PCDHGA1: variants seen among roughly 807,000 people sequenced by gnomAD.
The protein encoded by PCDHGA1 is protocadherin gamma subfamily A, 1.
PCDHGA1 carries 32 observed loss-of-function variants against 58.0 expected under a neutral mutation model. That is an observed-to-expected ratio of 0.55 (90% CI 0.42 to 0.74). PCDHGA1 has a LOEUF of 0.74. PCDHGA1 is among the 30% of genes least tolerant of loss of function. The pLI is 0.00. For missense variants in PCDHGA1, 1,205 were observed against 1,182.3 expected (o/e 1.02, Z -0.28); for synonymous variants, 498 against 501.1 (o/e 0.99, Z 0.08).
At chr5:141,404,437 C>T in intron 1 of PCDHGA1, 3 of 1,613,094 alleles carry the variant, frequency 1.9e-6, no homozygotes, top group Non-Finnish European at 2.5e-6. Context: ...CAGAGGATAC[C>T]ATCCAAGGGT....
intron 1 of PCDHGA1, chr5:141,383,053 C>G: frequency 6.2e-7 from 1 of 1,613,896 alleles, no homozygotes; most frequent in South Asian, 1.1e-5. Context: ...CGCCAAGGAC[C>G]TGGGGCTGGA....
At position 141,485,321 on chromosome 5, in the gene PCDHGA1, C is replaced by G. The variant is rs780179631; in HGVS notation, c.2422-9486C>G. The G allele has an allele frequency of 6.2e-7, 1 of 1,614,154 alleles. No homozygotes were observed. Among genetic ancestry groups the G allele is most frequent in the Non-Finnish European group, 8.5e-7 (1 of 1,180,024 alleles). On this transcript the variant is annotated intron_variant, in intron 1 of 3. Transcript: ENST00000517417. This position sits in a 1 kb window ranked among gnomAD's most constrained non-coding sequence, Gnocchi z 5.7. The stretch of plus-strand genomic sequence containing the variant: ...AGGGACTTTTGTAGGGAATGTCGCT[C>G]AAGATTTCCTGCTGGATACGGACAG...
chr5:141,393,121 T>A, intron 1 of PCDHGA1: 1 of 1,613,428 alleles, frequency 6.2e-7, no homozygotes, highest in African/African-American at 1.3e-5. Context: ...CCGCGGTGTC[T>A]GATAAATATT....
At chr5:141,421,000 A>G (rs2096537102) in intron 1 of PCDHGA1, 1 of 507,878 alleles carries the variant, frequency 2.0e-6, no homozygotes, top group East Asian at 3.3e-5. Flanking sequence ...CTGCTCACCA[A>G]TCAGGGAATG....
At chr5:141,391,398 A>G (rs924962931) in intron 1 of PCDHGA1, 11 of 151,014 alleles carry the variant, frequency 7.3e-5, no homozygotes, top group Middle Eastern at 3.4e-3. Flanking sequence ...CTCCAGCCTC[A>G]AACTCCTGGG....
rs1012728568 is a variant in PCDHGA1 at position 141,495,487 on chromosome 5, T to C, written c.2480+622T>C. Among the ~76,000 whole-genome samples, 22 of 152,328 alleles carry C rather than the reference T, an allele frequency of 1.4e-4. 1 individual carries two copies. The East Asian group carries it at 4.1e-3, about 28-fold the overall frequency. ...GGGGTCTCCGTGTCTCTGCCCCTTT[T>C]TCTTGAGTTTCCGTCTTTGCCACTT... On this transcript the variant is annotated intron_variant, in intron 2 of 3. Coordinates refer to ENST00000517417, the MANE Select transcript of PCDHGA1 (RefSeq NM_018912.3).
rs544860780 is a variant in PCDHGA1 at position 141,406,543 on chromosome 5, C to G, written c.2421+73438C>G. On this transcript the variant is annotated intron_variant, in intron 1 of 3. Transcript: ENST00000517417. ...AGATATTTTCTGACGAAGATTCAAA[C>G]TTCAGTTATCCACTTCCAAACCCTA... is the stretch of plus-strand genomic sequence containing the variant. Among the ~76,000 whole-genome samples, 16 of 152,288 alleles carry G rather than the reference C, an allele frequency of 1.1e-4. 1 individual carries two copies. The South Asian group carries it at 2.9e-3, about 28-fold the overall frequency.
chr5:141,412,923 G>A, intron 1 of PCDHGA1: 1 of 420,946 alleles, frequency 2.4e-6, no homozygotes, highest in East Asian at 3.6e-5. Flanking sequence ...CTTGGGTGCA[G>A]TAACTTCTTA....
chr5:141,366,573 C>G (rs1323314760), intron 1 of PCDHGA1: 1 of 1,614,252 alleles, frequency 6.2e-7, no homozygotes, highest in Admixed American at 1.7e-5. Context: ...GGGGTTCGGG[C>G]TTTCCTGCAG....
chr5:141,409,781 G>A lies in PCDHGA1; in HGVS notation c.2421+76676G>A, dbSNP rs753415525. On this transcript the variant is annotated intron_variant, in intron 1 of 3. Transcript: ENST00000517417. ...CGCCTTTGATCACGAGCAGCTGCGC[G>A]CCTTCGCGCTCACGCTGCAGGCCCG... is the stretch of plus-strand genomic sequence containing the variant. The A allele has an allele frequency of 8.7e-6, 14 of 1,612,178 alleles. No individual in the cohort carries two copies. The highest frequency in any genetic ancestry group is 6.7e-5 in the Admixed American group (4 of 59,882).
intron 1 of PCDHGA1, chr5:141,398,625 T>C (rs777533974): frequency 6.2e-7 from 1 of 1,614,046 alleles, no homozygotes; most frequent in South Asian, 1.1e-5. Context: ...GCTTAAACTC[T>C]CTGCAGAAGT....
At chr5:141,345,007 C>G (rs1386175019) in intron 1 of PCDHGA1, 10 of 1,613,688 alleles carry the variant, frequency 6.2e-6, no homozygotes, top group East Asian at 4.5e-5. Flanking sequence ...CAGGATGGAC[C>G]AGGTCTTCTT....
chr5:141,361,424 C>A (rs1231481755), intron 1 of PCDHGA1: 1 of 1,613,912 alleles, frequency 6.2e-7, no homozygotes, highest in East Asian at 2.2e-5. Flanking sequence ...GGGGGCAAGC[C>A]GCCCCTCTCC....
chr5:141,455,542 C>T (rs2154565110), intron 1 of PCDHGA1, among the ~76,000 whole-genome samples: 1 of 152,246 alleles, frequency 6.6e-6, no homozygotes, highest in African/African-American at 2.4e-5. Flanking sequence ...ATATCATTCA[C>T]GTAGCCCGAG....
chr5:141,404,021 A>C lies in PCDHGA1; in HGVS notation c.2421+70916A>C, dbSNP rs192150782. 5 of 1,613,894 alleles carry C rather than the reference A, an allele frequency of 3.1e-6. No individual in the cohort carries two copies. The African/African-American group carries it at 4.0e-5, about 13-fold the overall frequency. ...CATTACATCTCTGTTTAGCCCAGTG[A>C]GAGAAGACGCACCTCAGGGAACAGT... On this transcript the variant is annotated intron_variant, in intron 1 of 3. Coordinates refer to ENST00000517417, the MANE Select transcript of PCDHGA1 (RefSeq NM_018912.3).
intron 1 of PCDHGA1, chr5:141,388,173 G>A (rs2091270272): frequency 1.3e-6 from 2 of 1,502,222 alleles, no homozygotes; most frequent in South Asian, 2.3e-5. Flanking sequence ...GGAGATATGC[G>A]GGAAGAAGCC....
intron 1 of PCDHGA1, chr5:141,344,711 G>A (rs530004756): frequency 1.1e-4 from 170 of 1,613,938 alleles, no homozygotes; most frequent in Non-Finnish European, 1.4e-4. Context: ...CTGGCAACTT[G>A]CACATCCAAG....
In PCDHGA1 at chr5:141,331,589, CAAAT is replaced by C. The variant is rs761156313; in HGVS notation, c.909_912del (p.Asn303LysfsTer4). 3 of 1,614,044 alleles carry C rather than the reference CAAAT, an allele frequency of 1.9e-6. No individual in the cohort carries two copies. Among genetic ancestry groups the C allele is most frequent in the Non-Finnish European group, 8.5e-7 (1 of 1,180,030 alleles). ...TTAGATTCTTACACAGGAGAAATAT[CAAAT>C]AAAGAACCACTAGATTTCGAAGAAT... On this transcript the variant is annotated frameshift_variant, in exon 1 of 4. Coordinates refer to ENST00000517417, the MANE Select transcript of PCDHGA1 (RefSeq NM_018912.3). LOFTEE classifies it high-confidence loss of function.
intron 1 of PCDHGA1, chr5:141,423,368 C>A: frequency 3.1e-6 from 5 of 1,614,200 alleles, no homozygotes; most frequent in Non-Finnish European, 4.2e-6. Context: ...GTGCTGCTGG[C>A]ACTCAGGCTG....
Sources: allele counts gnomAD v4.1 joint callset (sites outside exome capture counted in the v4.1 genomes callset), GRCh38; gene constraint gnomAD v4.1.1; non-coding constraint Gnocchi (gnomAD v3.1); transcripts MANE v1.5; gene names NCBI Gene and HGNC (gene_info 2026-07-23, HGNC 2026-07-21).